FRAS1: variants seen among roughly 807,000 people sequenced by gnomAD.
FRAS1 encodes Fraser extracellular matrix complex subunit 1.
In FRAS1, 290 loss-of-function variants were observed where a neutral mutation model predicts 435.2. That is an observed-to-expected ratio of 0.67 (90% CI 0.61 to 0.73). FRAS1 has a LOEUF of 0.73. Ranked by LOEUF, FRAS1 falls within the 30% of genes least tolerant of loss-of-function variation. The pLI is 0.00. For missense variants in FRAS1, 4,860 were observed against 5,001.5 expected, an observed-to-expected ratio of 0.97 and a Z score of 0.85; for synonymous variants, 1,800 against 1,851.0, an observed-to-expected ratio of 0.97 and a Z score of 0.71.
chr4:78,105,735 AGAG>A (rs1742379188), intron 2 of FRAS1, among the ~76,000 whole-genome samples: 1 of 152,028 alleles, frequency 6.6e-6, no homozygotes, highest in Non-Finnish European at 1.5e-5. Context: ...ATGTAAGATG[AGAG>A]GAGGAGCCAA....
intron 60 of FRAS1, among the ~76,000 whole-genome samples, chr4:78,497,783 A>C (rs1347760339): frequency 6.6e-6 from 1 of 152,180 alleles, no homozygotes; most frequent in African/African-American, 2.4e-5. Flanking sequence ...GTATACTCTT[A>C]AGTGACTCTT....
chr4:78,481,047 A>G (rs1719996190), intron 56 of FRAS1, among the ~76,000 whole-genome samples: 1 of 152,230 alleles, frequency 6.6e-6, no homozygotes, highest in Non-Finnish European at 1.5e-5. Flanking sequence ...AGACCTTTCT[A>G]CTATAGCATG....
chr4:78,513,491 C>G lies in FRAS1; in HGVS notation c.10113C>G (p.Ile3371Met), dbSNP rs1451082380. 2 of 1,613,562 alleles carry G rather than the reference C, an allele frequency of 1.2e-6. No individual in the cohort carries two copies. The highest frequency in any genetic ancestry group is 3.3e-5 in the Admixed American group (2 of 60,034). Reference sequence around the variant, plus strand: ...TACATTTTCTACTGTCTGAGTCCATCTACAGACACCAGCACGTCTGCTCCA... The same window carrying G: ...TACATTTTCTACTGTCTGAGTCCATGTACAGACACCAGCACGTCTGCTCCA... ...HNLHFLLSES[I>M]YRHQHVCSNL... The change falls in exon 65 of 74, where the codon ATC becomes ATG. Residue 3371 changes from isoleucine to methionine, a missense_variant. Coordinates refer to ENST00000512123, the MANE Select transcript of FRAS1 (RefSeq NM_025074.7).
intron 2 of FRAS1, among the ~76,000 whole-genome samples, chr4:78,155,784 C>T (rs1720859775): frequency 6.6e-6 from 1 of 152,104 alleles, no homozygotes; most frequent in South Asian, 2.1e-4. Flanking sequence ...TCTCTTTTTT[C>T]TCTGTTCAGG....
At chr4:78,430,031 G>A (rs1007809979) in intron 36 of FRAS1, among the ~76,000 whole-genome samples, 4 of 152,176 alleles carry the variant, frequency 2.6e-5, no homozygotes, top group Non-Finnish European at 5.9e-5. Flanking sequence ...TGTGCATGCT[G>A]TCATTTGTAT....
At chr4:78,259,983 G>A (rs1260500443) in intron 6 of FRAS1, among the ~76,000 whole-genome samples, 5 of 152,122 alleles carry the variant, frequency 3.3e-5, no homozygotes, top group African/African-American at 9.7e-5. Context: ...CCCATTGCTT[G>A]TTTTTCTCAG....
At chr4:78,118,922 C>T (rs1718841220) in intron 2 of FRAS1, among the ~76,000 whole-genome samples, 1 of 152,204 alleles carries the variant, frequency 6.6e-6, no homozygotes, top group Non-Finnish European at 1.5e-5. Context: ...ACGCTGGGAG[C>T]TGTAGACTGG....
At position 78,414,263 on chromosome 4, in the gene FRAS1, C is replaced by T. The variant is rs1012228588; in HGVS notation, c.4425+1178C>T. 5.9e-5 allele frequency among the ~76,000 whole-genome samples: 9 copies of T among 152,314 alleles called. No individual in the cohort carries two copies. The South Asian group carries it at 1.9e-3, about 32-fold the overall frequency. On this transcript the variant is annotated intron_variant, in intron 32 of 73. Coordinates refer to ENST00000512123, the MANE Select transcript of FRAS1 (RefSeq NM_025074.7). ...TCTAAACTGTTAAGAAAAATGTGCA[C>T]ACACAGGTCTTGCCAAATGCTAATG...
rs765141801 is a variant in FRAS1, at chr4:78,521,565, T to C, written c.10583T>C (p.Ile3528Thr). ...GTGCTCTCTGCAAGGCTTCAGATAATAAGAATCTACATTCGAGAGGATGGC... is the reference window on the plus strand; with the variant it reads ...GTGCTCTCTGCAAGGCTTCAGATAACAAGAATCTACATTCGAGAGGATGGC... ...DSVLSARLQI[I>T]RIYIREDGRL... is the part of the protein sequence containing the mutation. Residue 3528 changes from isoleucine (I) to threonine (T), a missense_variant, in exon 68 of 74, where the codon ATA (isoleucine) becomes ACA (threonine). Physicochemically the swap from Ile to Thr is moderately conservative, Grantham distance 89. Coordinates refer to ENST00000512123, the MANE Select transcript of FRAS1 (RefSeq NM_025074.7). 1 of 1,611,838 alleles carries C rather than the reference T, an allele frequency of 6.2e-7. No individual in the cohort carries two copies.
At position 78,413,049 on chromosome 4, in the gene FRAS1, A is replaced by G; in HGVS notation, c.4389A>G (p.Ala1463=). ...NIAILPQTPE[A]PKVSLEASLH... ...CGATCTTACCACAGACACCTGAAGC[A>G]CCTAAAGTGTCTCTGGAAGCATCTC... Residue 1463 remains alanine (A), a synonymous_variant, in exon 32 of 74, where the codon GCA becomes GCG. Coordinates refer to ENST00000512123, the MANE Select transcript of FRAS1 (RefSeq NM_025074.7). 6.2e-7 allele frequency: 1 copy of G among 1,611,464 alleles called. No individual in the cohort carries two copies. Among genetic ancestry groups the G allele is most frequent in the Non-Finnish European group, 8.5e-7 (1 of 1,178,788 alleles).
intron 14 of FRAS1, among the ~76,000 whole-genome samples, chr4:78,298,032 A>C (rs10030282): frequency 0.32 from 24,486 of 76,682 alleles, 2,251 homozygotes; most frequent in African/African-American, 0.34. Context: ...CTCTCTCTCT[A>C]TATATATATA....
intron 20 of FRAS1, among the ~76,000 whole-genome samples, chr4:78,363,296 A>G (rs1260807619): frequency 6.6e-6 from 1 of 152,154 alleles, no homozygotes; most frequent in Non-Finnish European, 1.5e-5. Context: ...TGAAAACTCA[A>G]TCACTGTGCT....
chr4:78,237,453 T>A (rs1293851899), intron 2 of FRAS1, 57 bp from the exon 3 acceptor site: 1 of 1,224,228 alleles, frequency 8.2e-7, no homozygotes, highest in African/African-American at 1.5e-5. Context: ...GTGCAGCTTT[T>A]GTGTGCTCAT....
intron 2 of FRAS1, among the ~76,000 whole-genome samples, chr4:78,126,495 G>A (rs891368033): frequency 1.3e-5 from 2 of 152,190 alleles, no homozygotes; most frequent in Non-Finnish European, 2.9e-5. Flanking sequence ...ATCTCACTAG[G>A]AGCTGTAGAC....
At chr4:78,199,155 T>C (rs186299516) in intron 2 of FRAS1, among the ~76,000 whole-genome samples, 76 of 152,354 alleles carry the variant, frequency 5.0e-4, no homozygotes, top group African/African-American at 1.8e-3. Context: ...GTAGTAGGCA[T>C]ATTTGTTGAT....
intron 20 of FRAS1, among the ~76,000 whole-genome samples, chr4:78,342,438 A>T (rs1004377773): frequency 2.0e-5 from 3 of 152,214 alleles, no homozygotes; most frequent in African/African-American, 7.2e-5. Flanking sequence ...CCAGAGCTGC[A>T]GGTTTTCAAC....
chr4:78,444,135 A>G (rs1430946317), intron 41 of FRAS1: 14 of 455,108 alleles, frequency 3.1e-5, no homozygotes, highest in Non-Finnish European at 3.5e-5. Context: ...GATTACAGGC[A>G]TGAGCCACCA....
At chr4:78,395,275 T>C (rs1423708031) in intron 29 of FRAS1, among the ~76,000 whole-genome samples, 1 of 152,024 alleles carries the variant, frequency 6.6e-6, no homozygotes, top group Non-Finnish European at 1.5e-5. Flanking sequence ...TTTTGTGGCT[T>C]AACATTTGTT....
intron 2 of FRAS1, chr4:78,181,138 C>T (rs549307188): frequency 1.6e-4 from 258 of 1,579,382 alleles, no homozygotes; most frequent in Non-Finnish European, 2.2e-4. Context: ...CCTTCTTCCA[C>T]TGCCCATCAG....
Sources: allele counts gnomAD v4.1 joint callset (sites outside exome capture counted in the v4.1 genomes callset), GRCh38; gene constraint gnomAD v4.1.1; transcripts MANE v1.5; gene names NCBI Gene and HGNC (gene_info 2026-07-23, HGNC 2026-07-21).